The following PC variants were observed in gnomAD, a reference collection of about 807,000 sequenced individuals.
PC encodes pyruvate carboxylase, also known as pyruvate carboxylase, mitochondrial.
In PC, 46 loss-of-function variants were observed where a neutral mutation model predicts 107.8. The observed-to-expected ratio is 0.43, with a 90% CI of 0.34 to 0.55. The LOEUF (loss-of-function observed/expected upper bound fraction) is 0.55. Ranked by LOEUF, PC falls within the 20% of genes least tolerant of loss-of-function variation. The pLI, the probability that PC is intolerant of heterozygous loss-of-function variation, is 0.04. For missense variants in PC, 1,241 were observed against 1,643.1 expected, an observed-to-expected ratio of 0.76 and a Z score of 4.23; for synonymous variants, 662 against 684.7, an observed-to-expected ratio of 0.97 and a Z score of 0.52.
chr11:66,903,142 C>T (rs553535089), intron 3 of PC, among the ~76,000 whole-genome samples: 7 of 152,304 alleles, frequency 4.6e-5, no homozygotes, highest in African/African-American at 1.7e-4. Context: ...TATTCAGAGT[C>T]GGGGACCTGC....
chr11:66,856,921 C>A (rs1262965489), intron 12 of PC: 1 of 146,680 alleles, frequency 6.8e-6, no homozygotes, highest in Non-Finnish European at 1.5e-5. Context: ...CCGGCCCGGG[C>A]CTCGGGCGTG....
chr11:66,858,106 A>G lies in PC; in HGVS notation c.1369-4723T>C, dbSNP rs1487046051. ...ACCGGGAGCCTCCGGGGCCCCGTCA[A>G]TCTGCAGCACCTCATCCTCAGCGGC... On this transcript the variant is annotated intron_variant, in intron 12 of 22. Transcript: ENST00000393960. This position sits in a 1 kb window ranked among gnomAD's most constrained non-coding sequence, Gnocchi z 5.9. The G allele has an allele frequency of 6.2e-6, 10 of 1,609,934 alleles. No homozygotes were observed. The highest frequency in any genetic ancestry group is 4.0e-5 in the African/African-American group (3 of 74,880).
intron 2 of PC, among the ~76,000 whole-genome samples, chr11:66,953,624 G>A (rs1045816987): frequency 5.3e-5 from 8 of 152,136 alleles, no homozygotes; most frequent in African/African-American, 1.4e-4. Context: ...GACAGATAAC[G>A]TCAAGGCTGA....
intron 3 of PC, among the ~76,000 whole-genome samples, chr11:66,932,239 G>C (rs191356789): frequency 6.5e-4 from 99 of 151,552 alleles, no homozygotes; most frequent in African/African-American, 2.3e-3. Context: ...TTTTTTTTAA[G>C]TTAAACACTA....
At chr11:66,875,575 A>AG (rs1946943341) in intron 3 of PC, among the ~76,000 whole-genome samples, 1 of 152,004 alleles carries the variant, frequency 6.6e-6, no homozygotes. Flanking sequence ...GAAGGAGCCC[A>AG]GGGGGGATGC....
chr11:66,874,779 A>G (rs1194923729), intron 3 of PC, among the ~76,000 whole-genome samples: 1 of 152,144 alleles, frequency 6.6e-6, no homozygotes, highest in Non-Finnish European at 1.5e-5. Context: ...AAATCAGAAC[A>G]TTTCAGATCA....
intron 3 of PC, among the ~76,000 whole-genome samples, chr11:66,893,347 A>G (rs1947641232): frequency 6.6e-6 from 1 of 152,200 alleles, no homozygotes; most frequent in Non-Finnish European, 1.5e-5. Flanking sequence ...AAGGGCCCAG[A>G]GACGGGGAGT....
chr11:66,856,664 G>C (rs924872439), intron 12 of PC: 22 of 152,588 alleles, frequency 1.4e-4, no homozygotes, highest in African/African-American at 5.3e-4. Flanking sequence ...GTGGGTGTGT[G>C]GGCATGTGTG....
intron 3 of PC, among the ~76,000 whole-genome samples, chr11:66,890,924 C>T (rs1305165551): frequency 6.6e-6 from 1 of 151,958 alleles, no homozygotes; most frequent in African/African-American, 2.4e-5. Flanking sequence ...ATTTTTGTGT[C>T]TATATAAAAG....
chr11:66,859,997 C>T, intron 12 of PC: 1 of 1,594,712 alleles, frequency 6.3e-7, no homozygotes, highest in East Asian at 2.3e-5. Context: ...CACCCAAGGC[C>T]CACCCGCCGC....
chr11:66,879,052 T>C (rs1287221204), intron 3 of PC, among the ~76,000 whole-genome samples: 5 of 152,180 alleles, frequency 3.3e-5, no homozygotes, highest in Non-Finnish European at 7.4e-5. Flanking sequence ...CATCAGCTGC[T>C]GTCACTATCT....
At position 66,927,790 on chromosome 11, in the gene PC, G is replaced by A. The variant is rs561936714; in HGVS notation, c.-1+24640C>T. On this transcript the variant is annotated intron_variant, in intron 3 of 22. Transcript: ENST00000393960. ...GGTTCTGCTTTCCCCACTAGAAAGG[G>A]CTGGATGGTGTCAAGCCTACTCAAG... Among the ~76,000 whole-genome samples the A allele has an allele frequency of 4.6e-5, 7 of 152,100 alleles. No homozygotes were observed. The South Asian group carries it at 1.5e-3, about 32-fold the overall frequency.
In PC at chr11:66,857,098, A is replaced by G. The variant is rs1945900523; in HGVS notation, c.1369-3715T>C. 2 of 146,544 alleles carry G rather than the reference A, an allele frequency of 1.4e-5. No individual in the cohort carries two copies. Among genetic ancestry groups the G allele is most frequent in the Non-Finnish European group, 3.0e-5 (2 of 65,988 alleles). 9.1% of individuals were successfully genotyped at this position (146,544 alleles called of 1,614,324 possible). On this transcript the variant is annotated intron_variant, in intron 12 of 22. Coordinates refer to ENST00000393960, the MANE Select transcript of PC (RefSeq NM_001040716.2). The surrounding 1 kb of genome is among the most constrained non-coding windows in gnomAD (Gnocchi z 7.1). ...CACCCGCTCGCCTGTCGCCGCCGCC[A>G]CCGCTAACCGCGCCGGGAAAAGGTG...
intron 12 of PC, among the ~76,000 whole-genome samples, chr11:66,854,321 TCA>T (rs1463486661): frequency 6.6e-6 from 1 of 152,228 alleles, no homozygotes. Flanking sequence ...CGCCCTGTCC[TCA>T]CACCCTCGGC....
chr11:66,879,202 C>T (rs551026545), intron 3 of PC, among the ~76,000 whole-genome samples: 35 of 152,322 alleles, frequency 2.3e-4, no homozygotes, highest in African/African-American at 5.8e-4. Flanking sequence ...CAGGCCAGGC[C>T]GTCCTGGGGT....
intron 2 of PC, among the ~76,000 whole-genome samples, chr11:66,953,490 G>A (rs1359625976): frequency 1.3e-5 from 2 of 152,110 alleles, no homozygotes; most frequent in African/African-American, 4.8e-5. Flanking sequence ...ATCACTTTTC[G>A]GAGTTTTATT....
chr11:66,858,501 G>T lies in PC; in HGVS notation c.1369-5118C>A. 6.5e-7 allele frequency: 1 copy of T among 1,537,268 alleles called. No individual in the cohort carries two copies. Among genetic ancestry groups the T allele is most frequent in the South Asian group, 1.2e-5 (1 of 84,212 alleles). On this transcript the variant is annotated intron_variant, in intron 12 of 22. Coordinates refer to ENST00000393960, the MANE Select transcript of PC (RefSeq NM_001040716.2). This position sits in a 1 kb window ranked among gnomAD's most constrained non-coding sequence, Gnocchi z 5.9. ...GCTGCGGCGGCTGGCGCGGCCGGAC[G>T]ACCTGGAAACGTGCGCCTCCCCGCC... is the stretch of plus-strand genomic sequence containing the variant.
rs1945978025 is a variant in PC at position 66,858,083 on chromosome 11, C to T, written c.1369-4700G>A. The T allele has an allele frequency of 1.2e-6, 2 of 1,609,112 alleles. No individual in the cohort carries two copies. Among genetic ancestry groups the T allele is most frequent in the Middle Eastern group, 1.7e-4 (1 of 6,056 alleles). Reference sequence around the variant, plus strand: ...GCAACAGGCTGGTGGAGCTGGGCACCGGGAGCCTCCGGGGCCCCGTCAATC... The same window carrying T: ...GCAACAGGCTGGTGGAGCTGGGCACTGGGAGCCTCCGGGGCCCCGTCAATC... On this transcript the variant is annotated intron_variant, in intron 12 of 22. Transcript: ENST00000393960. The surrounding 1 kb of genome is among the most constrained non-coding windows in gnomAD (Gnocchi z 5.9).
chr11:66,858,375 G>C lies in PC; in HGVS notation c.1369-4992C>G. 2 of 1,581,728 alleles carry C rather than the reference G, an allele frequency of 1.3e-6. No homozygotes were observed. Among genetic ancestry groups the C allele is most frequent in the South Asian group, 2.3e-5 (2 of 88,628 alleles). On this transcript the variant is annotated intron_variant, in intron 12 of 22. Transcript: ENST00000393960. The surrounding 1 kb of genome is among the most constrained non-coding windows in gnomAD (Gnocchi z 5.9). ...CAACCGCCTGGCCACGCTGGCTCCG[G>C]ACCCGCTTTTCTCTCGTGGGCGTGA...
Sources: allele counts gnomAD v4.1 joint callset (sites outside exome capture counted in the v4.1 genomes callset), GRCh38; gene constraint gnomAD v4.1.1; non-coding constraint Gnocchi (gnomAD v3.1); transcripts MANE v1.5; gene names NCBI Gene and HGNC (gene_info 2026-07-23, HGNC 2026-07-21).